The following SGCA variants were observed in gnomAD, a reference collection of about 807,000 sequenced individuals.
SGCA encodes alpha-sarcoglycan.
SGCA carries 34 observed loss-of-function variants against 38.1 expected under a neutral mutation model. The ratio of observed to expected loss-of-function variants is 0.89; its 90% CI spans 0.68 to 1.19. The LOEUF is 1.19. Among genes scored for constraint, SGCA ranks in the 50% most tolerant of loss-of-function variants. SGCA has a pLI of 0.00. For missense variants in SGCA, 476 were observed against 524.9 expected (o/e 0.91, Z 0.91); for synonymous variants, 209 against 214.6 (o/e 0.97, Z 0.23).
chr17:50,168,374 G>GC lies in SGCA; in HGVS notation c.391dup (p.Leu131ProfsTer60), dbSNP rs144356125. 2 of 1,566,056 alleles carry GC rather than the reference G, an allele frequency of 1.3e-6. No homozygotes were observed. Among genetic ancestry groups the GC allele is most frequent in the African/African-American group, 2.7e-5 (2 of 73,888 alleles). On this transcript the variant is annotated frameshift_variant and splice_region_variant, in exon 5 of 10. Coordinates refer to ENST00000262018, the MANE Select transcript of SGCA (RefSeq NM_000023.4). LOFTEE classifies it high-confidence loss of function. Reference sequence around the variant, plus strand: ...TGAGGTGTCCACCTGGCCTTCCCAGGCCCCCTGCTGCCATACCAAGCCGAG... The same window carrying GC: ...TGAGGTGTCCACCTGGCCTTCCCAGGCCCCCCTGCTGCCATACCAAGCCGAG...
At position 50,170,589 on chromosome 17, in the gene SGCA, CT is replaced by C. The variant is rs199590719; in HGVS notation, c.957-49del. On this transcript the variant is annotated intron_variant, in intron 7 of 9. Transcript: ENST00000262018. The stretch of plus-strand genomic sequence containing the variant: ...CACTCACATTGGAGCCCTGGGGCAC[CT>C]TGGGGCGAAACCCAGAGCTGGGCTA... 2,863 of 1,550,178 alleles carry C rather than the reference CT, an allele frequency of 1.8e-3. 42 individuals carry two copies. In the African/African-American group the frequency reaches 0.033, roughly 18 times the overall value.
At chr17:50,169,441 ACACACC>A in intron 6 of SGCA, 187 bp downstream of exon 6, 1 of 589,982 alleles carries the variant, frequency 1.7e-6, no homozygotes, top group African/African-American at 1.9e-5. Flanking sequence ...ACACACACAC[ACACACC>A]CCTGAAGTTC....
At chr17:50,170,579 C>A in intron 7 of SGCA, 61 bp from the exon 8 acceptor site, 2 of 1,529,956 alleles carry the variant, frequency 1.3e-6, no homozygotes, top group Non-Finnish European at 8.9e-7. Flanking sequence ...ACATTGGAGC[C>A]CTGGGGCACC....
chr17:50,169,443 A>ACACACACACACACC (rs902593929), intron 6 of SGCA, 189 bp downstream of exon 6: 1 of 588,732 alleles, frequency 1.7e-6, no homozygotes, highest in South Asian at 2.1e-5. Flanking sequence ...ACACACACAC[A>ACACACACACACACC]CACCCCTGAA....
chr17:50,169,984 CAGG>C (rs1050380917), intron 6 of SGCA, 156 bp from the exon 7 acceptor site: 22 of 683,776 alleles, frequency 3.2e-5, no homozygotes, highest in Middle Eastern at 7.2e-4. Flanking sequence ...GGATTCAAAC[CAGG>C]AGGTCAGACC....
intron 8 of SGCA, chr17:50,172,504 A>AG: frequency 6.0e-6 from 2 of 332,312 alleles, no homozygotes; most frequent in South Asian, 4.7e-5. Flanking sequence ...TTTTAGAGAG[A>AG]GGGTCTCACT....
At chr17:50,173,522 C>T (rs1905652558) in intron 8 of SGCA, among the ~76,000 whole-genome samples, 2 of 152,198 alleles carry the variant, frequency 1.3e-5, no homozygotes. Context: ...TGCTCTTGCT[C>T]TAGAAAAACA....
Position 50,175,393 on chromosome 17 carries a change from C to T in SGCA, c.1120C>T (p.Arg374Cys), listed in dbSNP as rs35495899. The change falls in exon 9 of 10, where the codon CGC (arginine) becomes TGC (cysteine). Residue 374 changes from arginine (R) to cysteine (C), a missense_variant. Physicochemically the swap from Arg to Cys is radical, Grantham distance 180 (BLOSUM62 -3). Coordinates refer to ENST00000262018, the MANE Select transcript of SGCA (RefSeq NM_000023.4). ...GCACACAGGTGAGCGGCTGCCTCCC[C>T]GCGTGGACAGCGCCCAGGTGCCCCT... ...NVHTGERLPP[R>C]VDSAQVPLIL... 1.1e-3 allele frequency: 1,758 copies of T among 1,613,124 alleles called. 9 individuals carry two copies. The African/African-American group carries it at 0.018, about 17-fold the overall frequency.
At position 50,167,632 on chromosome 17, in the gene SGCA, C is replaced by T. The variant is rs1348067599; in HGVS notation, c.208C>T (p.Pro70Ser). Residue 70 changes from proline (P) to serine (S), a missense_variant, in exon 3 of 10, where the codon CCA (proline) becomes TCA (serine). Coordinates refer to ENST00000262018, the MANE Select transcript of SGCA (RefSeq NM_000023.4). The surrounding 1 kb of genome is among the most constrained non-coding windows in gnomAD (Gnocchi z 4.5). ...ITYHAHLQGH[P>S]DLPRWLRYTQ... is the part of the protein sequence containing the mutation. Reference sequence around the variant, plus strand: ...CTACCACGCCCACCTCCAGGGACACCCAGACCTGCCCCGGTGGCTCCGCTA... The same window carrying T: ...CTACCACGCCCACCTCCAGGGACACTCAGACCTGCCCCGGTGGCTCCGCTA... 6.2e-7 allele frequency: 1 copy of T among 1,613,900 alleles called. No homozygotes were observed. Among genetic ancestry groups the T allele is most frequent in the Admixed American group, 1.7e-5 (1 of 60,024 alleles).
chr17:50,173,095 T>C (rs1180525288), intron 8 of SGCA, among the ~76,000 whole-genome samples: 1 of 152,188 alleles, frequency 6.6e-6, no homozygotes, highest in Non-Finnish European at 1.5e-5. Flanking sequence ...GTCAGAAAAA[T>C]CTGCTGCCTC....
At chr17:50,169,365 A>C (rs1905188196) in intron 6 of SGCA, 111 bp downstream of exon 6, 1 of 912,448 alleles carries the variant, frequency 1.1e-6, no homozygotes. Context: ...TCCAGTCACC[A>C]TTTCTTTCCC....
rs1905084137 is a variant in SGCA at position 50,168,128 on chromosome 17, G to A, written c.385+109G>A. On this transcript the variant is annotated intron_variant, in intron 4 of 9. Transcript: ENST00000262018. ...GAGAGGCTTGGAGAGGAGTGGAGCA[G>A]GGCATCCTGGAAAGTGGGGACAAGG... 6 of 1,078,592 alleles carry A rather than the reference G, an allele frequency of 5.6e-6. No individual in the cohort carries two copies. The South Asian group carries it at 7.6e-5, about 14-fold the overall frequency. The allele number at this position is 1,078,592 out of a possible 1,614,324, so 66.8% of individuals were successfully genotyped here.
At chr17:50,169,394 C>A (rs1030769071) in intron 6 of SGCA, 140 bp downstream of exon 6, 13 of 622,166 alleles carry the variant, frequency 2.1e-5, no homozygotes, top group Non-Finnish European at 3.3e-5. Context: ...TCAGTATTGC[C>A]CACAGGCTTA....
chr17:50,167,793 G>A lies in SGCA; in HGVS notation c.312+57G>A. 1.9e-6 allele frequency: 3 copies of A among 1,589,402 alleles called. No homozygotes were observed. Among genetic ancestry groups the A allele is most frequent in the Non-Finnish European group, 2.6e-6 (3 of 1,160,126 alleles). On this transcript the variant is annotated intron_variant, in intron 3 of 9. Coordinates refer to ENST00000262018, the MANE Select transcript of SGCA (RefSeq NM_000023.4). The surrounding 1 kb of genome is among the most constrained non-coding windows in gnomAD (Gnocchi z 4.5). ...GGTGGGCCAGAGTGGCCTCCTAGGA[G>A]CAGCCCTATGAATTGGGATTGGGTG...
At chr17:50,166,757 C>A (rs190543300) in intron 1 of SGCA, among the ~76,000 whole-genome samples, 1 of 113,270 alleles carries the variant, frequency 8.8e-6, no homozygotes, top group Non-Finnish European at 1.8e-5. Context: ...CCTCACACAC[C>A]CTCACACACA....
chr17:50,170,386 C>T (rs748652852), intron 7 of SGCA, 35 bp downstream of exon 7: 1 of 1,581,946 alleles, frequency 6.3e-7, no homozygotes, highest in Admixed American at 1.7e-5. Context: ...GGAGCACCTG[C>T]TGGAGCTCAC....
intron 4 of SGCA, 35 bp downstream of exon 4, chr17:50,168,054 A>C: frequency 1.8e-5 from 28 of 1,546,986 alleles, no homozygotes; most frequent in Non-Finnish European, 2.2e-5. Context: ...TTCCCCACCA[A>C]TGCCAGTCTT....
At chr17:50,175,164 G>T in intron 8 of SGCA, 93 bp from the exon 9 acceptor site, 1 of 1,166,724 alleles carries the variant, frequency 8.6e-7, no homozygotes, top group Non-Finnish European at 1.2e-6. Flanking sequence ...CATAAGTGGT[G>T]GGGAGGACCG....
At chr17:50,166,743 A>G (rs1371657054) in intron 1 of SGCA, among the ~76,000 whole-genome samples, 1 of 104,560 alleles carries the variant, frequency 9.6e-6, no homozygotes, top group African/African-American at 4.1e-5. Context: ...ACACCCTCAC[A>G]CACCCTCACA....
Sources: allele counts gnomAD v4.1 joint callset (sites outside exome capture counted in the v4.1 genomes callset), GRCh38; gene constraint gnomAD v4.1.1; non-coding constraint Gnocchi (gnomAD v3.1); transcripts MANE v1.5; gene names NCBI Gene and HGNC (gene_info 2026-07-23, HGNC 2026-07-21).